The following NRXN3 variants were observed in gnomAD, a reference collection of about 807,000 sequenced individuals.
NRXN3 encodes the protein neurexin III.
NRXN3 carries 32 observed loss-of-function variants against 137.6 expected under a neutral mutation model. The observed-to-expected ratio is 0.23, with a 90% CI of 0.18 to 0.31. NRXN3 has a LOEUF of 0.31. Among genes scored for constraint, NRXN3 ranks in the 10% least tolerant of loss-of-function variants. The probability of loss-of-function intolerance (pLI) is 1.00; values close to 1 mark genes in which losing one functional copy is unlikely to be tolerated. For synonymous variants in NRXN3, 798 were observed against 784.5 expected, an observed-to-expected ratio of 1.02 and a Z score of -0.29; for missense variants, 1,574 against 2,062.5, an observed-to-expected ratio of 0.76 and a Z score of 4.59.
rs1010813358 is a variant in NRXN3, at chr14:78,902,207, A to T, written c.2276-55035A>T. Among the ~76,000 whole-genome samples the T allele has an allele frequency of 5.3e-5, 8 of 152,214 alleles. No homozygotes were observed. In the South Asian group the frequency reaches 1.7e-3, roughly 32 times the overall value. ...AATGAGGCCTTGTGCAGAATCTCAC[A>T]TCCGAGCGCCCCCTGATGGCAACAT... On this transcript the variant is annotated intron_variant, in intron 10 of 20. Transcript: ENST00000335750.
chr14:78,754,278 A>G (rs2098657145), intron 8 of NRXN3, among the ~76,000 whole-genome samples: 1 of 152,118 alleles, frequency 6.6e-6, no homozygotes, highest in South Asian at 2.1e-4. Flanking sequence ...TTTTAACACT[A>G]TGGTGGGGTT....
chr14:79,232,558 C>T (rs2072437819), intron 15 of NRXN3, among the ~76,000 whole-genome samples: 2 of 152,174 alleles, frequency 1.3e-5, no homozygotes. Flanking sequence ...AGTACCATCT[C>T]TTCCTACAAT....
intron 1 of NRXN3, among the ~76,000 whole-genome samples, chr14:78,234,472 C>T (rs2065900381): frequency 6.6e-6 from 1 of 152,152 alleles, no homozygotes; most frequent in Admixed American, 6.5e-5. Flanking sequence ...AAGTGATGGG[C>T]TCAAGGTCAC....
chr14:79,259,198 G>T (rs1241455465), intron 15 of NRXN3, among the ~76,000 whole-genome samples: 1 of 152,174 alleles, frequency 6.6e-6, no homozygotes, highest in Non-Finnish European at 1.5e-5. Context: ...CCTTGGTAGG[G>T]CAAGGAAGGT....
intron 20 of NRXN3, among the ~76,000 whole-genome samples, chr14:79,817,721 T>C (rs540056655): frequency 6.6e-6 from 1 of 152,278 alleles, no homozygotes; most frequent in East Asian, 1.9e-4. Flanking sequence ...GTCTCTTACG[T>C]AGCGCTTATT....
intron 15 of NRXN3, among the ~76,000 whole-genome samples, chr14:79,424,649 T>G (rs2153539157): frequency 6.6e-6 from 1 of 152,300 alleles, no homozygotes; most frequent in Admixed American, 6.5e-5. Context: ...AGCCAAGATC[T>G]TAGTTGCTAA....
chr14:78,269,965 T>A (rs2072451225), intron 2 of NRXN3, among the ~76,000 whole-genome samples: 1 of 152,242 alleles, frequency 6.6e-6, no homozygotes, highest in Non-Finnish European at 1.5e-5. Flanking sequence ...CCTCAATGAC[T>A]ACTTCTTTTG....
At chr14:79,550,591 G>A (rs913902424) in intron 16 of NRXN3, among the ~76,000 whole-genome samples, 1 of 152,092 alleles carries the variant, frequency 6.6e-6, no homozygotes, top group Non-Finnish European at 1.5e-5. Context: ...CACCACCTGG[G>A]CATTCACAGT....
intron 4 of NRXN3, among the ~76,000 whole-genome samples, chr14:78,358,301 C>T (rs139504013): frequency 2.4e-4 from 36 of 152,270 alleles, no homozygotes; most frequent in African/African-American, 8.2e-4. Flanking sequence ...TTAATCATCA[C>T]AGTAATTCCA....
At chr14:79,289,301 T>G (rs1264059731) in intron 15 of NRXN3, among the ~76,000 whole-genome samples, 1 of 152,204 alleles carries the variant, frequency 6.6e-6, no homozygotes, top group Admixed American at 6.5e-5. Flanking sequence ...ATTCTGCCAG[T>G]GTTGGACTTG....
chr14:79,663,230 ATGTGTGTGTGTGTACGCG>A (rs966349829), intron 16 of NRXN3, among the ~76,000 whole-genome samples: 2 of 150,428 alleles, frequency 1.3e-5, no homozygotes, highest in African/African-American at 4.9e-5. Flanking sequence ...CATTATGTGC[ATGTGTGTGTGTGTACGCG>A]TGTGTGTGTG....
chr14:79,662,602 A>G (rs1359340623), intron 16 of NRXN3, among the ~76,000 whole-genome samples: 1 of 152,126 alleles, frequency 6.6e-6, no homozygotes, highest in Non-Finnish European at 1.5e-5. Context: ...CCTGAGAATG[A>G]GTGATTTATA....
intron 2 of NRXN3, among the ~76,000 whole-genome samples, chr14:78,262,900 A>G (rs894668408): frequency 2.0e-4 from 30 of 152,068 alleles, no homozygotes; most frequent in African/African-American, 7.0e-4. Context: ...TTTTATTCCC[A>G]TTTTACAGAT....
intron 10 of NRXN3, among the ~76,000 whole-genome samples, chr14:78,928,583 G>C (rs1256741905): frequency 6.6e-6 from 1 of 152,076 alleles, no homozygotes; most frequent in Non-Finnish European, 1.5e-5. Flanking sequence ...AGTTTGCTCA[G>C]AATGATGGTT....
chr14:79,419,264 A>G (rs1567072991), intron 15 of NRXN3, among the ~76,000 whole-genome samples: 1 of 152,294 alleles, frequency 6.6e-6, no homozygotes, highest in East Asian at 1.9e-4. Flanking sequence ...GAGCTGGTGC[A>G]ATAGCTCAAA....
At chr14:78,523,643 CAA>C (rs3036598) in intron 4 of NRXN3, among the ~76,000 whole-genome samples, 36,865 of 77,342 alleles carry the variant, frequency 0.48, 7,044 homozygotes, top group Non-Finnish European at 0.55. Context: ...ACTACAAATA[CAA>C]AAAAAAAAAA....
At chr14:78,871,605 T>C (rs78183005) in intron 10 of NRXN3, among the ~76,000 whole-genome samples, 1,823 of 152,226 alleles carry the variant, frequency 0.012, 20 homozygotes, top group African/African-American at 0.024. Flanking sequence ...GATTGATTTG[T>C]ATCCTTTGAA....
chr14:78,847,157 A>ACTCC (rs1460134887), intron 10 of NRXN3, among the ~76,000 whole-genome samples: 1 of 151,152 alleles, frequency 6.6e-6, no homozygotes, highest in Non-Finnish European at 1.5e-5. Context: ...GGCCAATGAA[A>ACTCC]CTCCATATGA....
intron 1 of NRXN3, among the ~76,000 whole-genome samples, chr14:78,174,480 C>T (rs2059070808): frequency 6.6e-6 from 1 of 152,108 alleles, no homozygotes; most frequent in Admixed American, 6.5e-5. Flanking sequence ...TCTTGAAATT[C>T]TTGGTGGCCT....
Sources: allele counts gnomAD v4.1 joint callset (sites outside exome capture counted in the v4.1 genomes callset), GRCh38; gene constraint gnomAD v4.1.1; transcripts MANE v1.5; gene names NCBI Gene and HGNC (gene_info 2026-07-23, HGNC 2026-07-21).